The following B3GALT1 variants were observed in gnomAD, a reference collection of about 807,000 sequenced individuals.
B3GALT1 encodes beta-1,3-galactosyltransferase 1.
In B3GALT1, 10 loss-of-function variants were observed where a neutral mutation model predicts 23.2. The observed-to-expected ratio is 0.43, with a 90% CI of 0.27 to 0.73. The LOEUF is 0.73. Among genes scored for constraint, B3GALT1 ranks in the 30% least tolerant of loss-of-function variants. The pLI is 0.21. For synonymous variants in B3GALT1, 156 were observed against 141.5 expected (o/e 1.10, Z -0.73); for missense variants, 299 against 405.4 (o/e 0.74, Z 2.25).
chr2:167,589,336 T>C (rs950185251), intron 2 of B3GALT1, among the ~76,000 whole-genome samples: 1 of 152,140 alleles, frequency 6.6e-6, no homozygotes, highest in Admixed American at 6.5e-5. Context: ...TTTTAAGTGG[T>C]TGTACATATT....
rs186827430 is a variant in B3GALT1 at position 167,723,346 on chromosome 2, T to G, written c.-352+76380T>G. 5.1e-4 allele frequency among the ~76,000 whole-genome samples: 78 copies of G among 152,280 alleles called. 1 individual carries two copies. The highest frequency in any genetic ancestry group is 8.5e-4 in the Admixed American group (13 of 15,292). ...CTAAAGAGGAGTGAAACTACAGGAC[T>G]TAATGAAAATTTCAAAGCAGAAGTT... On this transcript the variant is annotated intron_variant, in intron 3 of 4. Transcript: ENST00000392690.
At chr2:167,834,563 T>C (rs1689418990) in intron 4 of B3GALT1, among the ~76,000 whole-genome samples, 1 of 152,198 alleles carries the variant, frequency 6.6e-6, no homozygotes, top group Non-Finnish European at 1.5e-5. Context: ...TCTACAAATG[T>C]TCTCCCCATA....
intron 1 of B3GALT1, among the ~76,000 whole-genome samples, chr2:167,461,071 G>C (rs1348120695): frequency 6.6e-6 from 1 of 152,158 alleles, no homozygotes; most frequent in East Asian, 1.9e-4. Context: ...CAATGGGAGG[G>C]GGATACAGCA....
At chr2:167,842,796 C>T (rs1689676817) in intron 4 of B3GALT1, among the ~76,000 whole-genome samples, 1 of 152,062 alleles carries the variant, frequency 6.6e-6, no homozygotes, top group Non-Finnish European at 1.5e-5. Flanking sequence ...ATTACTTGAG[C>T]CCAAGAGGTG....
At chr2:167,457,413 T>C (rs1392332297) in intron 1 of B3GALT1, among the ~76,000 whole-genome samples, 1 of 151,898 alleles carries the variant, frequency 6.6e-6, no homozygotes, top group Non-Finnish European at 1.5e-5. Flanking sequence ...CCTCAGGTGA[T>C]CCACCCGCCT....
chr2:167,369,061 TTGTGTG>T (rs60938716), intron 1 of B3GALT1, among the ~76,000 whole-genome samples: 218 of 147,576 alleles, frequency 1.5e-3, no homozygotes, highest in African/African-American at 4.8e-3. Flanking sequence ...AAACTCTTAT[TTGTGTG>T]TGTGTGTGTG....
At chr2:167,412,953 A>G (rs1182316246) in intron 1 of B3GALT1, among the ~76,000 whole-genome samples, 1 of 152,160 alleles carries the variant, frequency 6.6e-6, no homozygotes, top group Non-Finnish European at 1.5e-5. Flanking sequence ...GTTGAACAAA[A>G]GACATTATAC....
At chr2:167,577,774 A>C (rs1275337155) in intron 2 of B3GALT1, among the ~76,000 whole-genome samples, 3 of 151,938 alleles carry the variant, frequency 2.0e-5, no homozygotes, top group Non-Finnish European at 4.4e-5. Flanking sequence ...TTATGGAAGA[A>C]ATATCAAATA....
At chr2:167,736,928 TC>T (rs933248918) in intron 3 of B3GALT1, among the ~76,000 whole-genome samples, 2 of 143,334 alleles carry the variant, frequency 1.4e-5, no homozygotes, top group Non-Finnish European at 3.1e-5. Context: ...TGAGACTCTG[TC>T]CCCCCCTTCC....
chr2:167,533,871 C>T (rs1683371640), intron 2 of B3GALT1, among the ~76,000 whole-genome samples: 1 of 152,054 alleles, frequency 6.6e-6, no homozygotes, highest in African/African-American at 2.4e-5. Flanking sequence ...TGTTGTTTGC[C>T]TAGAAATGTC....
In B3GALT1 at chr2:167,791,157, A is replaced by G. The variant is rs148666359; in HGVS notation, c.-351-27515A>G. On this transcript the variant is annotated intron_variant, in intron 3 of 4. Coordinates refer to ENST00000392690, the MANE Select transcript of B3GALT1 (RefSeq NM_020981.4). ...TTTAATCCTCATGAAAACTCTATAG[A>G]TAGGCATTATCATCACCCCCACTTA... is the stretch of plus-strand genomic sequence containing the variant. Among the ~76,000 whole-genome samples the G allele has an allele frequency of 2.0e-4, 31 of 152,302 alleles. No individual in the cohort carries two copies. In the East Asian group the frequency reaches 5.8e-3, roughly 28 times the overall value.
chr2:167,783,738 T>C (rs1350095024), intron 3 of B3GALT1, among the ~76,000 whole-genome samples: 1 of 152,130 alleles, frequency 6.6e-6, no homozygotes, highest in Non-Finnish European at 1.5e-5. Context: ...AAAGAGACAG[T>C]GTGCCCCTCT....
At chr2:167,524,907 A>G (rs886658193) in intron 2 of B3GALT1, among the ~76,000 whole-genome samples, 8 of 152,184 alleles carry the variant, frequency 5.3e-5, no homozygotes, top group African/African-American at 1.9e-4. Context: ...TTTAGCAGCT[A>G]TGTGGTATTG....
chr2:167,489,950 T>A (rs575214888), intron 1 of B3GALT1, among the ~76,000 whole-genome samples: 1 of 152,252 alleles, frequency 6.6e-6, no homozygotes, highest in African/African-American at 2.4e-5. Context: ...AAGACAGATG[T>A]CTTTGAATAA....
Position 167,509,552 on chromosome 2 carries a change from A to G in B3GALT1, c.-410+19275A>G, listed in dbSNP as rs923288566. Among the ~76,000 whole-genome samples, 5 of 152,260 alleles carry G rather than the reference A, an allele frequency of 3.3e-5. No homozygotes were observed. In the South Asian group the frequency reaches 1.0e-3, roughly 32 times the overall value. On this transcript the variant is annotated intron_variant, in intron 2 of 4. Coordinates refer to ENST00000392690, the MANE Select transcript of B3GALT1 (RefSeq NM_020981.4). The stretch of plus-strand genomic sequence containing the variant: ...AAGAAGTATTGGAGGTAGAATTGCA[A>G]TTTTATTAAGATGGCCGAAGAAGCC...
intron 2 of B3GALT1, among the ~76,000 whole-genome samples, chr2:167,509,381 A>C (rs773654176): frequency 6.6e-6 from 1 of 152,056 alleles, no homozygotes; most frequent in African/African-American, 2.4e-5. Flanking sequence ...ACAAATAAAA[A>C]TTTTCTGGTT....
At chr2:167,296,911 C>A (rs1284626101) in intron 1 of B3GALT1, among the ~76,000 whole-genome samples, 1 of 152,080 alleles carries the variant, frequency 6.6e-6, no homozygotes, top group Non-Finnish European at 1.5e-5. Context: ...AGATCTAGAT[C>A]TCATGGACCA....
chr2:167,562,261 T>C (rs906999022), intron 2 of B3GALT1, among the ~76,000 whole-genome samples: 158 of 152,322 alleles, frequency 1.0e-3, no homozygotes, highest in Non-Finnish European at 1.9e-3. Context: ...CAACAACCCT[T>C]CATGCTAAAA....
rs1471725013 is a variant in B3GALT1, at chr2:167,497,985, A to T, written c.-410+7708A>T. On this transcript the variant is annotated intron_variant, in intron 2 of 4. Coordinates refer to ENST00000392690, the MANE Select transcript of B3GALT1 (RefSeq NM_020981.4). ...TTGAAATCTGTCTTTGGTTAAAAAA[A>T]AGTGCCAACAAGTTTGAAAGCCTAA... is the stretch of plus-strand genomic sequence containing the variant. 2.6e-5 allele frequency among the ~76,000 whole-genome samples: 4 copies of T among 152,296 alleles called. No homozygotes were observed. In the South Asian group the frequency reaches 6.2e-4, roughly 24 times the overall value.
Sources: allele counts gnomAD v4.1 joint callset (sites outside exome capture counted in the v4.1 genomes callset), GRCh38; gene constraint gnomAD v4.1.1; transcripts MANE v1.5; gene names NCBI Gene and HGNC (gene_info 2026-07-23, HGNC 2026-07-21).